Variants in LINGO2 observed in about 807,000 individuals in gnomAD.
The protein encoded by LINGO2 is leucine rich repeat and Ig domain containing 2, also known as leucine-rich repeat and immunoglobulin-like domain-containing nogo receptor-interacting protein 2.
LINGO2 carries 14 observed loss-of-function variants against 30.6 expected under a neutral mutation model. The observed-to-expected ratio is 0.46, with a 90% CI of 0.30 to 0.72. The LOEUF is 0.72. Among genes scored for constraint, LINGO2 ranks in the 30% least tolerant of loss-of-function variants. The pLI, the probability that LINGO2 is intolerant of heterozygous loss-of-function variation, is 0.07. For missense variants in LINGO2, 729 were observed against 751.7 expected (o/e 0.97, Z 0.35); for synonymous variants, 317 against 288.5 (o/e 1.10, Z -1.00).
intron 3 of LINGO2, among the ~76,000 whole-genome samples, chr9:28,323,496 A>C (rs7853271): frequency 0.34 from 51,931 of 151,784 alleles, 9,912 homozygotes; most frequent in Non-Finnish European, 0.45. Context: ...GCTAATTGGG[A>C]GGCTGAGGCA....
rs576761087 is a variant in LINGO2, at chr9:28,396,430, C to T, written c.-278-23562G>A. 5.3e-5 allele frequency among the ~76,000 whole-genome samples: 8 copies of T among 152,056 alleles called. No homozygotes were observed. The South Asian group carries it at 6.2e-4, about 12-fold the overall frequency. ...TTTAAGAAGTCCTGATTAGGCCGGGCGCAGTGGCTCATGCCTGTAATCCCA... is the reference window on the plus strand; with the variant it reads ...TTTAAGAAGTCCTGATTAGGCCGGGTGCAGTGGCTCATGCCTGTAATCCCA... On this transcript the variant is annotated intron_variant, in intron 2 of 5. Transcript: ENST00000379992.
At chr9:28,976,684 T>C in the LINGO2 span, among the ~76,000 whole-genome samples, 2 of 152,086 alleles carry the variant, frequency 1.3e-5, no homozygotes, top group Non-Finnish European at 2.9e-5. Flanking sequence ...TATAAGATAT[T>C]GGTGTTAACT....
chr9:27,994,324 TA>T (rs771175280), intron 5 of LINGO2, among the ~76,000 whole-genome samples: 6 of 151,656 alleles, frequency 4.0e-5, no homozygotes, highest in South Asian at 2.1e-4. Context: ...AAATTGAAAC[TA>T]AAAAAAAGGA....
intron 4 of LINGO2, among the ~76,000 whole-genome samples, chr9:28,174,113 T>A (rs959973160): frequency 6.6e-6 from 1 of 152,212 alleles, no homozygotes. Flanking sequence ...GGAAAATGCA[T>A]ACACCATATT....
chr9:28,185,449 C>G (rs529069737), intron 4 of LINGO2, among the ~76,000 whole-genome samples: 1 of 151,768 alleles, frequency 6.6e-6, no homozygotes, highest in African/African-American at 2.4e-5. Flanking sequence ...AAAAAAAAAA[C>G]TTTAGAAAAT....
chr9:28,614,334 GC>G (rs986495361), intron 1 of LINGO2, among the ~76,000 whole-genome samples: 1 of 152,028 alleles, frequency 6.6e-6, no homozygotes, highest in African/African-American at 2.4e-5. Flanking sequence ...AAATCAATAG[GC>G]TTTTCATTAG....
chr9:28,598,304 G>T (rs1391683800), intron 1 of LINGO2, among the ~76,000 whole-genome samples: 1 of 150,256 alleles, frequency 6.7e-6, no homozygotes, highest in African/African-American at 2.4e-5. Context: ...TTTGTTCTGA[G>T]AACTAAAATA....
intron 2 of LINGO2, among the ~76,000 whole-genome samples, chr9:28,408,780 A>C (rs1464212636): frequency 3.9e-5 from 3 of 76,984 alleles, no homozygotes; most frequent in Admixed American, 1.7e-4. Flanking sequence ...AAAACAAAAA[A>C]AAAAAAACAA....
At chr9:29,142,302 C>T in the LINGO2 span, among the ~76,000 whole-genome samples, 1 of 151,674 alleles carries the variant, frequency 6.6e-6, no homozygotes, top group Non-Finnish European at 1.5e-5. Context: ...TACTTCTGAA[C>T]AACCACAGGT....
chr9:28,930,841 C>T, the LINGO2 span, among the ~76,000 whole-genome samples: 9 of 152,158 alleles, frequency 5.9e-5, no homozygotes, highest in African/African-American at 1.2e-4. This position sits in a 1 kb window ranked among gnomAD's most constrained non-coding sequence, Gnocchi z 4.2. Flanking sequence ...GGCTAATGTA[C>T]GGCACACAGA....
intron 2 of LINGO2, among the ~76,000 whole-genome samples, chr9:28,416,383 A>G (rs10968578): frequency 0.068 from 10,294 of 152,286 alleles, 362 homozygotes; most frequent in Middle Eastern, 0.14. Flanking sequence ...TTGAATTTAA[A>G]GCACTCACAC....
intron 4 of LINGO2, among the ~76,000 whole-genome samples, chr9:28,214,895 C>T (rs1183228166): frequency 6.6e-6 from 1 of 151,620 alleles, no homozygotes; most frequent in East Asian, 1.9e-4. Flanking sequence ...TATAAACACA[C>T]AGTAAGTATA....
At chr9:28,189,685 GAGGAAGGAAGGGAGGGAGGAAGGAAGGA>G (rs1564029562) in intron 4 of LINGO2, among the ~76,000 whole-genome samples, 9 of 20,530 alleles carry the variant, frequency 4.4e-4, no homozygotes, top group Admixed American at 1.0e-3. Flanking sequence ...GGAAGGAAGG[GAGGAAGGAAGGGAGGGAGGAAGGAAGGA>G]AGGAAGGAAG....
intron 4 of LINGO2, among the ~76,000 whole-genome samples, chr9:28,125,354 T>C (rs1326013997): frequency 6.6e-6 from 1 of 152,234 alleles, no homozygotes; most frequent in African/African-American, 2.4e-5. Flanking sequence ...ATTTTAGCAG[T>C]CTATATTTAA....
chr9:28,325,569 G>A (rs1825196893), intron 3 of LINGO2, among the ~76,000 whole-genome samples: 1 of 152,064 alleles, frequency 6.6e-6, no homozygotes, highest in Admixed American at 6.6e-5. Flanking sequence ...CTGTTCTTGT[G>A]GAAGTGAATA....
chr9:28,966,379 T>C, the LINGO2 span, among the ~76,000 whole-genome samples: 1 of 152,140 alleles, frequency 6.6e-6, no homozygotes, highest in Non-Finnish European at 1.5e-5. Flanking sequence ...GTGGCTTGTT[T>C]TCCAAAGAAT....
At position 28,292,664 on chromosome 9, in the gene LINGO2, A is replaced by G. The variant is rs111347378; in HGVS notation, c.-87+2544T>C. On this transcript the variant is annotated intron_variant, in intron 4 of 5. Transcript: ENST00000379992. ...TTTTTAGTAGAGATGGGGTTTCACCATGTTGGTCAGGCTTGTCTCGAACTC... is the reference window on the plus strand; with the variant it reads ...TTTTTAGTAGAGATGGGGTTTCACCGTGTTGGTCAGGCTTGTCTCGAACTC... Among the ~76,000 whole-genome samples the G allele has an allele frequency of 7.8e-3, 1,181 of 152,062 alleles. 21 individuals are homozygous for G. Among genetic ancestry groups the G allele is most frequent in the African/African-American group, 0.027 (1,139 of 41,476 alleles).
intron 4 of LINGO2, among the ~76,000 whole-genome samples, chr9:28,157,178 C>A (rs951341743): frequency 6.6e-6 from 1 of 152,224 alleles, no homozygotes; most frequent in Non-Finnish European, 1.5e-5. Context: ...CAGCAAACTT[C>A]TGCCTGGACA....
chr9:29,036,967 T>C, the LINGO2 span, among the ~76,000 whole-genome samples: 2 of 152,084 alleles, frequency 1.3e-5, no homozygotes, highest in East Asian at 1.9e-4. Flanking sequence ...AGATTTGTTA[T>C]AATAATTTAT....
Sources: gnomAD v4.1 joint callset for allele counts (sites outside exome capture counted in the v4.1 genomes callset) on GRCh38, gnomAD v4.1.1 for gene constraint, Gnocchi (gnomAD v3.1) non-coding constraint, MANE v1.5 for transcripts, NCBI Gene and HGNC (gene_info 2026-07-23, HGNC 2026-07-21) for gene names.